Variants in CPXM1 observed in about 807,000 individuals in gnomAD.
The protein encoded by CPXM1 is probable carboxypeptidase X1.
CPXM1 carries 72 observed loss-of-function variants against 80.4 expected under a neutral mutation model. The observed-to-expected ratio is 0.90, with a 90% CI of 0.74 to 1.09. The LOEUF (loss-of-function observed/expected upper bound fraction) is 1.09, where lower values mean the gene tolerates loss of function less well. Among genes scored for constraint, CPXM1 ranks in the 50% least tolerant of loss-of-function variants. The probability of loss-of-function intolerance (pLI) is 0.00; values close to 1 mark genes in which losing one functional copy is unlikely to be tolerated. For missense variants in CPXM1, 892 were observed against 999.4 expected, an observed-to-expected ratio of 0.89 and a Z score of 1.45; for synonymous variants, 403 against 405.6, an observed-to-expected ratio of 0.99 and a Z score of 0.08.
Position 2,795,416 on chromosome 20 carries a change from C to A in CPXM1, c.1721G>T (p.Ser574Ile). The A allele has an allele frequency of 6.2e-7, 1 of 1,613,326 alleles. No individual in the cohort carries two copies. Residue 574 changes from serine to isoleucine, a missense_variant and splice_region_variant, in exon 12 of 14, where the codon AGC (serine) becomes ATC (isoleucine). By Grantham distance (142) the Ser-to-Ile change is moderately radical (BLOSUM62 -2). Coordinates refer to ENST00000380605, the MANE Select transcript of CPXM1 (RefSeq NM_019609.5). This position sits in a 1 kb window ranked among gnomAD's most constrained non-coding sequence, Gnocchi z 5.4. ...NGADWHTVPG[S>I]MNDFSYLHTN... ...GTGTAGGTAGCTGAAGTCATTCATG[C>A]CTAAGGGGACCACAGACACTGCTGC...
Position 2,795,272 on chromosome 20 carries a change from C to A in CPXM1, c.1860+5G>T, listed in dbSNP as rs182655680. The A allele has an allele frequency of 3.1e-6, 5 of 1,613,102 alleles. No homozygotes were observed. The Admixed American group carries it at 5.0e-5, about 16-fold the overall frequency. ...GCAGGCTGGGGGCCGGGACGCAGATCCGACCTGCTCCAGGTAGGTGAGGAG... is the reference window on the plus strand; with the variant it reads ...GCAGGCTGGGGGCCGGGACGCAGATACGACCTGCTCCAGGTAGGTGAGGAG... On this transcript the variant is annotated splice_donor_5th_base_variant and intron_variant, in intron 12 of 13. Coordinates refer to ENST00000380605, the MANE Select transcript of CPXM1 (RefSeq NM_019609.5). The surrounding 1 kb of genome is among the most constrained non-coding windows in gnomAD (Gnocchi z 5.4).
Position 2,798,207 on chromosome 20 carries a change from C to A in CPXM1, c.535G>T (p.Gly179Trp), listed in dbSNP as rs1462042236. The A allele has an allele frequency of 6.2e-7, 1 of 1,614,004 alleles. No homozygotes were observed. The highest frequency in any genetic ancestry group is 1.7e-5 in the Admixed American group (1 of 60,022). The change falls in exon 4 of 14, where the codon GGG becomes TGG. Residue 179 changes from glycine to tryptophan, a missense_variant. Around this residue, in one of 2 missense-constraint regions of CPXM1, gnomAD observed 874 missense variants for 958.4 expected, o/e 0.91. Transcript: ENST00000380605. ...ACACCCGAGAAGCGGGTGGGGTGCC[C>A]AGCGTCCACCTGAAACCATGGATCG... ...DADPWFQVDA[G>W]HPTRFSGVIT...
chr20:2,797,430 A>C, intron 5 of CPXM1, 88 bp from the exon 6 acceptor site: 244 of 1,343,360 alleles, frequency 1.8e-4, no homozygotes, highest in Non-Finnish European at 2.2e-4. Context: ...CTCCAAGCTT[A>C]CTGTCTCCCC....
chr20:2,794,270 G>A lies in CPXM1; in HGVS notation c.2125C>T (p.Arg709Cys), dbSNP rs776351140. 1.9e-5 allele frequency: 30 copies of A among 1,613,944 alleles called. No individual in the cohort carries two copies. Among genetic ancestry groups the A allele is most frequent in the South Asian group, 6.6e-5 (6 of 91,078 alleles). ...TTGGCCCCAGCTGCCAGCAGCTCGC[G>A]CAGCCTCTGTTTGGGAGTCTTGGTG... Reference protein sequence around the residue: ...VLTKTPKQRLRELLAAGAKVP... With the variant: ...VLTKTPKQRLCELLAAGAKVP... Residue 709 changes from arginine to cysteine, a missense_variant, in exon 14 of 14, where the codon CGC becomes TGC. Physicochemically the swap from Arg to Cys is radical, Grantham distance 180. Coordinates refer to ENST00000380605, the MANE Select transcript of CPXM1 (RefSeq NM_019609.5). This position sits in a 1 kb window ranked among gnomAD's most constrained non-coding sequence, Gnocchi z 5.2.
In CPXM1 at chr20:2,796,071, A is replaced by C. The variant is rs1356453873; in HGVS notation, c.1333T>G (p.Trp445Gly). The C allele has an allele frequency of 6.2e-7, 1 of 1,614,022 alleles. No homozygotes were observed. The highest frequency in any genetic ancestry group is 1.1e-5 in the South Asian group (1 of 91,064). ...ACCTTCCCATCGTCCTGTGCTTCCC[A>C]CAGTGGTGTGTTGAGGTCAGCAAAA... ...HNFADLNTPL[W>G]EAQDDGKVPH... The change falls in exon 10 of 14, where the codon TGG becomes GGG. Residue 445 changes from tryptophan (W) to glycine (G), a missense_variant. Physicochemically the swap from Trp to Gly is radical, Grantham distance 184. Coordinates refer to ENST00000380605, the MANE Select transcript of CPXM1 (RefSeq NM_019609.5). This position sits in a 1 kb window ranked among gnomAD's most constrained non-coding sequence, Gnocchi z 6.8.
chr20:2,799,023 G>A (rs900091512), intron 1 of CPXM1, 130 bp from the exon 2 acceptor site: 6 of 881,134 alleles, frequency 6.8e-6, no homozygotes, highest in Non-Finnish European at 8.7e-6. Flanking sequence ...AGCCTTCACA[G>A]GACATCAAAG....
Position 2,800,268 on chromosome 20 carries a change from C to T in CPXM1, c.172+133G>A, listed in dbSNP as rs942707166. ...GTGCGCGTGAGTGCGAGTGTGCGTG[C>T]GGGGTGAGTGTGCATGACTGTGAGT... On this transcript the variant is annotated intron_variant, in intron 1 of 13. Coordinates refer to ENST00000380605, the MANE Select transcript of CPXM1 (RefSeq NM_019609.5). The T allele has an allele frequency of 5.6e-5, 44 of 782,994 alleles. No homozygotes were observed. The African/African-American group carries it at 6.8e-4, about 12-fold the overall frequency. 48.5% of individuals were successfully genotyped at this position (782,994 alleles called of 1,614,324 possible). A position where few individuals can be genotyped will look rare whatever the true frequency, so the allele number is the denominator to read the frequency against.
In CPXM1 at chr20:2,800,586, T is replaced by G; in HGVS notation, c.-14A>C. 7.5e-7 allele frequency: 1 copy of G among 1,327,012 alleles called. No homozygotes were observed. Among genetic ancestry groups the G allele is most frequent in the Non-Finnish European group, 9.6e-7 (1 of 1,042,296 alleles). The allele number at this position is 1,327,012 out of a possible 1,614,324, so 82.2% of individuals were successfully genotyped here. A position where few individuals can be genotyped will look rare whatever the true frequency, so the allele number is the denominator to read the frequency against. ...GAGCCCCCACATGGCGGGGATTGAG[T>G]GCCAGGGGCGCGCGGGCTACGGCGG... is the stretch of plus-strand genomic sequence containing the variant. On this transcript the variant is annotated 5_prime_UTR_variant, in exon 1 of 14. Transcript: ENST00000380605.
Position 2,796,331 on chromosome 20 carries a change from T to C in CPXM1, c.1158A>G (p.Pro386=). Reference sequence around the variant, plus strand: ...TCTCAGAGAGCAGCCGGGTCACCCGTGGGTTCCCTCGCAGGAACTCATGGC... The same window carrying C: ...TCTCAGAGAGCAGCCGGGTCACCCGCGGGTTCCCTCGCAGGAACTCATGGC... The part of the protein sequence containing the change: ...FLCHEFLRGN[P]RVTRLLSEMR... Residue 386 remains proline (P), a synonymous_variant, in exon 9 of 14, where the codon CCA becomes CCG. Transcript: ENST00000380605. The surrounding 1 kb of genome is among the most constrained non-coding windows in gnomAD (Gnocchi z 6.8). 6.2e-7 allele frequency: 1 copy of C among 1,614,004 alleles called. No homozygotes were observed. The highest frequency in any genetic ancestry group is 1.1e-5 in the South Asian group (1 of 91,066).
chr20:2,800,232 C>A (rs1165957775), intron 1 of CPXM1, among the ~76,000 whole-genome samples, 169 bp downstream of exon 1: 1 of 151,046 alleles, frequency 6.6e-6, no homozygotes, highest in Non-Finnish European at 1.5e-5. Flanking sequence ...TGTGTGAGTG[C>A]GCGCGCGTGT....
chr20:2,795,637 T>C lies in CPXM1; in HGVS notation c.1682A>G (p.Asn561Ser). Residue 561 changes from asparagine (N) to serine (S), a missense_variant, in exon 11 of 14, where the codon AAC becomes AGC. Physicochemically the swap from Asn to Ser is conservative, Grantham distance 46. Coordinates refer to ENST00000380605, the MANE Select transcript of CPXM1 (RefSeq NM_019609.5). The surrounding 1 kb of genome is among the most constrained non-coding windows in gnomAD (Gnocchi z 5.4). ...CHSQDFSVHGNIINGADWHTV... is the reference protein window; with the variant it reads ...CHSQDFSVHGSIINGADWHTV... ...GTGCCAGTCAGCCCCGTTGATGATGTTGCCGTGCACGGAGAAGTCCTGGCT... is the reference window on the plus strand; with the variant it reads ...GTGCCAGTCAGCCCCGTTGATGATGCTGCCGTGCACGGAGAAGTCCTGGCT... The C allele has an allele frequency of 1.2e-6, 2 of 1,614,080 alleles. No homozygotes were observed. Among genetic ancestry groups the C allele is most frequent in the Admixed American group, 3.3e-5 (2 of 60,028 alleles).
chr20:2,795,975 TACTC>T lies in CPXM1; in HGVS notation c.1422+3_1422+6del, dbSNP rs1338967598. The T allele has an allele frequency of 1.9e-6, 3 of 1,602,992 alleles. No homozygotes were observed. In the East Asian group the frequency reaches 6.7e-5, roughly 36 times the overall value. Reference sequence around the variant, plus strand: ...CAGACCTCCACTGCCGCCCTCAAAATACTCACGGTGGCATTGGGCAGGGTGTAGT... The same window carrying T: ...CAGACCTCCACTGCCGCCCTCAAAATACGGTGGCATTGGGCAGGGTGTAGT... On this transcript the variant is annotated splice_donor_5th_base_variant and intron_variant, in intron 10 of 13. Transcript: ENST00000380605. The surrounding 1 kb of genome is among the most constrained non-coding windows in gnomAD (Gnocchi z 5.4).
rs1236791871 is a variant in CPXM1, at chr20:2,795,670, G to A, written c.1649C>T (p.Pro550Leu). The A allele has an allele frequency of 1.2e-6, 2 of 1,613,958 alleles. No homozygotes were observed. Among genetic ancestry groups the A allele is most frequent in the Non-Finnish European group, 1.7e-6 (2 of 1,180,040 alleles). ...CACGGAGAAGTCCTGGCTGTGGCAGGGTCGGCGGCTGGTGTCCTGCATGGC... is the reference window on the plus strand; with the variant it reads ...CACGGAGAAGTCCTGGCTGTGGCAGAGTCGGCGGCTGGTGTCCTGCATGGC... ...NLAMQDTSRR[P>L]CHSQDFSVHG... The change falls in exon 11 of 14, where the codon CCC (proline) becomes CTC (leucine). Residue 550 changes from proline to leucine, a missense_variant. Pro to Leu is a moderately conservative substitution (Grantham distance 98). This residue lies in a region of CPXM1 where 874 missense variants were observed against 958.4 expected (regional missense o/e 0.91). Coordinates refer to ENST00000380605, the MANE Select transcript of CPXM1 (RefSeq NM_019609.5). This position sits in a 1 kb window ranked among gnomAD's most constrained non-coding sequence, Gnocchi z 5.4.
At position 2,795,070 on chromosome 20, in the gene CPXM1, A is replaced by G. The variant is rs577823242; in HGVS notation, c.1860+207T>C. Among the ~76,000 whole-genome samples, 2 of 152,148 alleles carry G rather than the reference A, an allele frequency of 1.3e-5. No homozygotes were observed. The highest frequency in any genetic ancestry group is 3.9e-4 in the East Asian group (2 of 5,174). ...CTAGACTGCAATGGAGGCTCCTCCC[A>G]CCGGCTCTAACACGATGCCACGCTG... On this transcript the variant is annotated intron_variant, in intron 12 of 13. Coordinates refer to ENST00000380605, the MANE Select transcript of CPXM1 (RefSeq NM_019609.5). This position sits in a 1 kb window ranked among gnomAD's most constrained non-coding sequence, Gnocchi z 5.4.
At chr20:2,797,489 C>T (rs1417811543) in intron 5 of CPXM1, 147 bp from the exon 6 acceptor site, 7 of 918,930 alleles carry the variant, frequency 7.6e-6, no homozygotes, top group Non-Finnish European at 1.1e-5. Flanking sequence ...AAACACAGAC[C>T]CCGGCCCACA....
In CPXM1 at chr20:2,796,193, A is replaced by G. The variant is rs1341578041; in HGVS notation, c.1243-32T>C. On this transcript the variant is annotated intron_variant, in intron 9 of 13. Coordinates refer to ENST00000380605, the MANE Select transcript of CPXM1 (RefSeq NM_019609.5). The surrounding 1 kb of genome is among the most constrained non-coding windows in gnomAD (Gnocchi z 6.8). Reference sequence around the variant, plus strand: ...GGCAAGAGGCTTGTTCAAGTCGAGCAGGTCCAGCCACCAGGGCAGAAGGAC... The same window carrying G: ...GGCAAGAGGCTTGTTCAAGTCGAGCGGGTCCAGCCACCAGGGCAGAAGGAC... The G allele has an allele frequency of 1.8e-5, 29 of 1,608,200 alleles. No homozygotes were observed. The Admixed American group carries it at 4.9e-4, about 27-fold the overall frequency.
In CPXM1 at chr20:2,797,298, G is replaced by A; in HGVS notation, c.726C>T (p.Leu242=). The A allele has an allele frequency of 1.9e-6, 3 of 1,562,834 alleles. No homozygotes were observed. The highest frequency in any genetic ancestry group is 1.4e-5 in the African/African-American group (1 of 74,046). The change falls in exon 6 of 14, where the codon CTC becomes CTT. Residue 242 remains leucine (L), a synonymous_variant. Transcript: ENST00000380605. ...AGCGGGCCACCTGGGGCTCCGGCAG[G>A]AGGTTCAGCACTGGAGTTTCTGGGT... ...NSDPETPVLN[L]LPEPQVARFI...
chr20:2,797,123 G>A (rs902203794), intron 6 of CPXM1, 29 bp from the exon 7 acceptor site: 2 of 1,613,684 alleles, frequency 1.2e-6, no homozygotes, highest in East Asian at 2.2e-5. Context: ...ATGGTAAAGG[G>A]TGTGTCCACA....
At chr20:2,800,045 C>T (rs984142938) in intron 1 of CPXM1, among the ~76,000 whole-genome samples, 4 of 152,180 alleles carry the variant, frequency 2.6e-5, no homozygotes, top group Admixed American at 2.6e-4. Flanking sequence ...GAGTCAGCAG[C>T]CATTGCTCCC....
Sources: gnomAD v4.1 joint callset for allele counts (sites outside exome capture counted in the v4.1 genomes callset) on GRCh38, gnomAD v4.1.1 for gene constraint, gnomAD v4.1.1 regional missense constraint, Gnocchi (gnomAD v3.1) non-coding constraint, MANE v1.5 for transcripts, NCBI Gene and HGNC (gene_info 2026-07-23, HGNC 2026-07-21) for gene names.